The following CCZ1B variants were observed in gnomAD, a reference collection of about 807,000 sequenced individuals.
The protein encoded by CCZ1B is vacuolar fusion protein CCZ1 homolog B.
Under a neutral mutation model 58.8 loss-of-function variants are expected in CCZ1B, and 25 were observed. The observed-to-expected ratio is 0.43, with a 90% CI of 0.31 to 0.59. The LOEUF is 0.59. CCZ1B is among the 20% of genes least tolerant of loss of function. The pLI, the probability that CCZ1B is intolerant of heterozygous loss-of-function variation, is 0.12. For synonymous variants in CCZ1B, 66 were observed against 173.2 expected (o/e 0.38, Z 4.86); for missense variants, 180 against 501.5 (o/e 0.36, Z 6.12).
In CCZ1B at chr7:6,822,474, C is replaced by A. The variant is rs1783127890; in HGVS notation, c.439-110G>T. 5 of 1,404,262 alleles carry A rather than the reference C, an allele frequency of 3.6e-6. 1 individual carries two copies. The South Asian group carries it at 5.7e-5, about 16-fold the overall frequency. 87.0% of individuals were successfully genotyped at this position (1,404,262 alleles called of 1,614,324 possible). ...TTATTAATTCAGCTCATTAAATCTC[C>A]CAGTTCTTTCCAACAGAGAATATTT... On this transcript the variant is annotated intron_variant, in intron 5 of 14. Coordinates refer to ENST00000316731, the MANE Select transcript of CCZ1B (RefSeq NM_198097.5).
At chr7:6,820,927 A>G (rs1783099164) in intron 6 of CCZ1B, among the ~76,000 whole-genome samples, 1 of 148,208 alleles carries the variant, frequency 6.7e-6, no homozygotes, top group Non-Finnish European at 1.5e-5. Flanking sequence ...AAAAAAAAAA[A>G]AAAAATTAAC....
At chr7:6,822,907 T>C (rs1055303269) in intron 5 of CCZ1B, among the ~76,000 whole-genome samples, 9 of 146,366 alleles carry the variant, frequency 6.1e-5, no homozygotes, top group Non-Finnish European at 1.3e-4. Context: ...GGTCTTGCTA[T>C]ATTGCCCAGA....
chr7:6,812,096 A>AT, intron 9 of CCZ1B, 33 bp from the exon 10 acceptor site: 2 of 907,304 alleles, frequency 2.2e-6, no homozygotes, highest in Non-Finnish European at 3.6e-6. Flanking sequence ...ACTTGATTCA[A>AT]CGAGGTGAAG....
At chr7:6,813,178 G>C in intron 8 of CCZ1B, 141 bp from the exon 9 acceptor site, 1 of 1,474,830 alleles carries the variant, frequency 6.8e-7, no homozygotes, top group Non-Finnish European at 9.3e-7. Flanking sequence ...CTGTTGCCCA[G>C]GCTGGAATGC....
In CCZ1B at chr7:6,816,298, G is replaced by A. The variant is rs552908869; in HGVS notation, c.699-1453C>T. Among the ~76,000 whole-genome samples the A allele has an allele frequency of 3.3e-5, 5 of 149,328 alleles. 2 individuals carry two copies. Among genetic ancestry groups the A allele is most frequent in the African/African-American group, 1.0e-4 (4 of 39,528 alleles). ...GATTCAACACCAGCCTGGCCAACAT[G>A]GCAAAACACCGTCTCTACTAAAAAA... On this transcript the variant is annotated intron_variant, in intron 7 of 14. Transcript: ENST00000316731.
chr7:6,822,577 T>C (rs1193708656), intron 5 of CCZ1B: 1 of 930,746 alleles, frequency 1.1e-6, no homozygotes, highest in Non-Finnish European at 1.5e-6. Context: ...ACCACCTAAT[T>C]GCTCTAGGCA....
At position 6,804,910 on chromosome 7, in the gene CCZ1B, GA is replaced by G. The variant is rs199797511; in HGVS notation, c.1106+27del. The G allele has an allele frequency of 3.0e-3, 4,217 of 1,397,904 alleles. 661 individuals are homozygous for G. In the African/African-American group the frequency reaches 0.06, roughly 20 times the overall value. 86.6% of individuals were successfully genotyped at this position (1,397,904 alleles called of 1,614,324 possible). On this transcript the variant is annotated intron_variant, in intron 12 of 14. Transcript: ENST00000316731. Reference sequence around the variant, plus strand: ...GTATTTCAAAAGCCGTTCAATGCCTGAAAGTGAACCGAAAGCAAAGTACAAA... The same window carrying G: ...GTATTTCAAAAGCCGTTCAATGCCTGAAGTGAACCGAAAGCAAAGTACAAA...
At chr7:6,815,724 A>G (rs1191859683) in intron 7 of CCZ1B, among the ~76,000 whole-genome samples, 1 of 148,914 alleles carries the variant, frequency 6.7e-6, no homozygotes, top group Non-Finnish European at 1.5e-5. Flanking sequence ...GCAAAAGGCT[A>G]CTCCTACAGT....
intron 7 of CCZ1B, among the ~76,000 whole-genome samples, chr7:6,819,424 C>T: frequency 6.7e-6 from 1 of 148,538 alleles, no homozygotes; most frequent in African/African-American, 2.6e-5. Flanking sequence ...TTAGTAGAGA[C>T]AGGGTTTCAC....
chr7:6,823,466 A>G, intron 4 of CCZ1B, 106 bp from the exon 5 acceptor site: 2 of 1,465,074 alleles, frequency 1.4e-6, no homozygotes, highest in Non-Finnish European at 1.8e-6. Context: ...TATAATGTTT[A>G]TAAACTTCAT....
At position 6,799,284 on chromosome 7, in the gene CCZ1B, A is replaced by G. The variant is rs80105188; in HGVS notation, c.1394-5T>C. The G allele has an allele frequency of 0.015, 14,796 of 958,162 alleles. 936 individuals are homozygous for G. Among genetic ancestry groups the G allele is most frequent in the Middle Eastern group, 0.027 (90 of 3,350 alleles). The allele number at this position is 958,162 out of a possible 1,614,324, so 59.4% of individuals were successfully genotyped here. A position where few individuals can be genotyped will look rare whatever the true frequency, so the allele number is the denominator to read the frequency against. On this transcript the variant is annotated splice_polypyrimidine_tract_variant and splice_region_variant and intron_variant, in intron 14 of 14. Coordinates refer to ENST00000316731, the MANE Select transcript of CCZ1B (RefSeq NM_198097.5). ...CACAAAGTTTCTTGACCTCTTCTGC[A>G]ACAAGGACACAACAGTGAGGAAGGA...
intron 10 of CCZ1B, among the ~76,000 whole-genome samples, chr7:6,808,695 T>A (rs1429376930): frequency 6.6e-6 from 1 of 151,534 alleles, no homozygotes; most frequent in Non-Finnish European, 1.5e-5. Context: ...CAGTAGAGTG[T>A]CATCGTCCAA....
At chr7:6,821,575 AAATT>A (rs749986688) in intron 6 of CCZ1B, among the ~76,000 whole-genome samples, 3 of 152,096 alleles carry the variant, frequency 2.0e-5, no homozygotes, top group Non-Finnish European at 4.4e-5. Flanking sequence ...AGAAGAAAAT[AAATT>A]GAGAATTGTT....
In CCZ1B at chr7:6,822,506, G is replaced by A. The variant is rs1412817084; in HGVS notation, c.439-142C>T. The A allele has an allele frequency of 5.9e-6, 8 of 1,361,452 alleles. No individual in the cohort carries two copies. The East Asian group carries it at 2.0e-4, about 35-fold the overall frequency. 84.3% of individuals were successfully genotyped at this position (1,361,452 alleles called of 1,614,324 possible). On this transcript the variant is annotated intron_variant, in intron 5 of 14. Transcript: ENST00000316731. The stretch of plus-strand genomic sequence containing the variant: ...TTTCCAACAGAGAATATTTACGTGA[G>A]AAAACTTGAGTTAAAAATGTAAGTT...
chr7:6,818,651 CAGAAAGAA>C (rs142369499), intron 7 of CCZ1B, among the ~76,000 whole-genome samples: 7 of 123,322 alleles, frequency 5.7e-5, no homozygotes, highest in African/African-American at 2.3e-4. Context: ...GAAAGAAAGA[CAGAAAGAA>C]AGACAGACAG....
At chr7:6,825,220 G>C (rs1347390028) in intron 1 of CCZ1B, among the ~76,000 whole-genome samples, 1 of 147,862 alleles carries the variant, frequency 6.8e-6, no homozygotes, top group Non-Finnish European at 1.5e-5. Flanking sequence ...TCAGTTCCCA[G>C]CCATTTGAAC....
chr7:6,819,329 G>C (rs1263371635), intron 7 of CCZ1B, among the ~76,000 whole-genome samples: 1 of 146,456 alleles, frequency 6.8e-6, no homozygotes, highest in Admixed American at 6.8e-5. Context: ...TCCGCCTCCC[G>C]GGTTCAAGTG....
At chr7:6,813,992 A>G (rs1373130043) in intron 8 of CCZ1B, among the ~76,000 whole-genome samples, 2 of 147,836 alleles carry the variant, frequency 1.4e-5, no homozygotes, top group Non-Finnish European at 3.0e-5. Flanking sequence ...CTAAAAATAT[A>G]AAAATTAGCC....
At chr7:6,822,237 G>A in intron 6 of CCZ1B, 44 bp downstream of exon 6, 2 of 1,562,218 alleles carry the variant, frequency 1.3e-6, no homozygotes, top group South Asian at 1.2e-5. Context: ...CTAAAAACCT[G>A]ATGAATGCTT....
Sources: gnomAD v4.1 joint callset for allele counts (sites outside exome capture counted in the v4.1 genomes callset) on GRCh38, gnomAD v4.1.1 for gene constraint, MANE v1.5 for transcripts, NCBI Gene and HGNC (gene_info 2026-07-23, HGNC 2026-07-21) for gene names.